The following SEPTIN9 variants were observed in gnomAD, a reference collection of about 807,000 sequenced individuals.
SEPTIN9 encodes septin 9.
In SEPTIN9, 13 loss-of-function variants were observed where a neutral mutation model predicts 56.6. That is an observed-to-expected ratio of 0.23 (90% CI 0.15 to 0.37). The LOEUF is 0.37. Ranked by LOEUF, SEPTIN9 falls within the 10% of genes least tolerant of loss-of-function variation. The pLI, the probability that SEPTIN9 is intolerant of heterozygous loss-of-function variation, is 1.00. For synonymous variants in SEPTIN9, 332 were observed against 334.1 expected, an observed-to-expected ratio of 0.99 and a Z score of 0.07; for missense variants, 650 against 823.1, an observed-to-expected ratio of 0.79 and a Z score of 2.57.
chr17:77,293,390 G>T (rs548898358), intron 1 of SEPTIN9, among the ~76,000 whole-genome samples: 1 of 152,226 alleles, frequency 6.6e-6, no homozygotes, highest in East Asian at 1.9e-4. Flanking sequence ...TTGTACTCCT[G>T]GGTTTATGTG....
At chr17:77,478,577 C>T (rs1403674274) in intron 3 of SEPTIN9, among the ~76,000 whole-genome samples, 2 of 152,184 alleles carry the variant, frequency 1.3e-5, no homozygotes, top group African/African-American at 2.4e-5. Flanking sequence ...GAGGCCGAGG[C>T]GGGTGGATCA....
At chr17:77,494,547 A>G (rs1346255958) in intron 10 of SEPTIN9, among the ~76,000 whole-genome samples, 2 of 152,178 alleles carry the variant, frequency 1.3e-5, no homozygotes, top group African/African-American at 4.8e-5. Context: ...GACTGTCCCA[A>G]AGACCACAGA....
In SEPTIN9 at chr17:77,499,272, C is replaced by A; in HGVS notation, c.*614C>A. 1 of 597,876 alleles carries A rather than the reference C, an allele frequency of 1.7e-6. No individual in the cohort carries two copies. Among genetic ancestry groups the A allele is most frequent in the Non-Finnish European group, 3.2e-6 (1 of 308,964 alleles). The allele number at this position is 597,876 out of a possible 1,614,324, so 37.0% of individuals were successfully genotyped here. On this transcript the variant is annotated 3_prime_UTR_variant, in exon 12 of 12. Transcript: ENST00000427177. ...CCAAGCCCCCTGGCAGCTGCCCCTC[C>A]TGGAGCAGAAAGTGCCTTTATCTCA...
rs527540057 is a variant in SEPTIN9, at chr17:77,429,365, G to A, written c.721+26662G>A. ...CTGGCTGAGAGGTGTGCTGGCTCTC[G>A]CAGGTTGCAAAATGGGGACATCACC... On this transcript the variant is annotated intron_variant, in intron 3 of 11. Transcript: ENST00000427177. The surrounding 1 kb of genome is among the most constrained non-coding windows in gnomAD (Gnocchi z 5.2). 7.0e-5 allele frequency: 31 copies of A among 443,516 alleles called. 1 individual carries two copies. The highest frequency in any genetic ancestry group is 6.6e-4 in the Admixed American group (27 of 40,798). The allele number at this position is 443,516 out of a possible 1,614,324, so 27.5% of individuals were successfully genotyped here. A position where few individuals can be genotyped will look rare whatever the true frequency, so the allele number is the denominator to read the frequency against.
chr17:77,290,794 G>A (rs1448696619), intron 1 of SEPTIN9, among the ~76,000 whole-genome samples: 1 of 148,600 alleles, frequency 6.7e-6, no homozygotes, highest in African/African-American at 2.5e-5. Context: ...CAGCCTGGGC[G>A]ACAGAGTGAG....
In SEPTIN9 at chr17:77,400,302, C is replaced by T. The variant is rs990096164; in HGVS notation, c.77-1757C>T. Among the ~76,000 whole-genome samples, 9 of 152,322 alleles carry T rather than the reference C, an allele frequency of 5.9e-5. No homozygotes were observed. The highest frequency in any genetic ancestry group is 4.1e-4 in the South Asian group (2 of 4,828). ...CTTGAGAAGTGAACAGCTCTGGCCA[C>T]GCCGGGCCCATATCCTCTAGGGCAG... On this transcript the variant is annotated intron_variant, in intron 2 of 11. Transcript: ENST00000427177. This position sits in a 1 kb window ranked among gnomAD's most constrained non-coding sequence, Gnocchi z 4.1.
chr17:77,419,590 G>T (rs1214499432), intron 3 of SEPTIN9, among the ~76,000 whole-genome samples: 1 of 152,234 alleles, frequency 6.6e-6, no homozygotes, highest in East Asian at 1.9e-4. Context: ...CTAGGAGGAA[G>T]AGGGGCTGTG....
rs949318939 is a variant in SEPTIN9 at position 77,451,175 on chromosome 17, T to A, written c.722-30969T>A. ...CTTCCCCTCTCTTCTTCCTAGCAGC[T>A]CCCCCTCACTCTTCCCAGGGACCCT... On this transcript the variant is annotated intron_variant, in intron 3 of 11. Coordinates refer to ENST00000427177, the MANE Select transcript of SEPTIN9 (RefSeq NM_001113491.2). This position sits in a 1 kb window ranked among gnomAD's most constrained non-coding sequence, Gnocchi z 4.2. The A allele has an allele frequency of 1.9e-5, 3 of 161,438 alleles. No individual in the cohort carries two copies. Among genetic ancestry groups the A allele is most frequent in the African/African-American group, 7.2e-5 (3 of 41,568 alleles). The allele number at this position is 161,438 out of a possible 1,614,324, so 10.0% of individuals were successfully genotyped here.
At chr17:77,446,867 A>G (rs1430013149) in intron 3 of SEPTIN9, 3 of 167,138 alleles carry the variant, frequency 1.8e-5, no homozygotes, top group Non-Finnish European at 4.4e-5. Flanking sequence ...CTCAAGGGGA[A>G]AAAAGGACAC....
At chr17:77,473,663 C>G (rs949011251) in intron 3 of SEPTIN9, among the ~76,000 whole-genome samples, 2 of 152,198 alleles carry the variant, frequency 1.3e-5, no homozygotes, top group Non-Finnish European at 2.9e-5. Flanking sequence ...ACTACTGTAT[C>G]AGATTGTGAA....
At chr17:77,412,017 T>C (rs2574840) in intron 3 of SEPTIN9, among the ~76,000 whole-genome samples, 66,340 of 151,350 alleles carry the variant, frequency 0.44, 15,657 homozygotes, top group African/African-American at 0.61. Context: ...GTAGTCCCAG[T>C]TACTCAGGAG....
intron 2 of SEPTIN9, chr17:77,322,762 T>A (rs540498544): frequency 6.6e-6 from 1 of 152,464 alleles, no homozygotes; most frequent in East Asian, 1.9e-4. Flanking sequence ...GCCTCTTCCC[T>A]CACTGAGGGG....
chr17:77,482,459 A>G, intron 4 of SEPTIN9, 124 bp downstream of exon 4: 1 of 969,934 alleles, frequency 1.0e-6, no homozygotes, highest in East Asian at 2.6e-5. Flanking sequence ...CCTGACCTCA[A>G]GGACGGATTG....
intron 2 of SEPTIN9, among the ~76,000 whole-genome samples, chr17:77,364,244 G>A (rs2034505173): frequency 6.6e-6 from 1 of 152,262 alleles, no homozygotes; most frequent in South Asian, 2.1e-4. Flanking sequence ...CAAGGCGGCA[G>A]GCCAAGAGCG....
chr17:77,346,278 C>CTTTTTTTTTTTTTTT lies in SEPTIN9; in HGVS notation c.76+39096_76+39110dup, dbSNP rs577131369. Among the ~76,000 whole-genome samples, 37 of 46,312 alleles carry CTTTTTTTTTTTTTTT rather than the reference C, an allele frequency of 8.0e-4. 1 individual carries two copies. Among genetic ancestry groups the CTTTTTTTTTTTTTTT allele is most frequent in the South Asian group, 1.1e-3 (1 of 888 alleles). 30.4% of individuals were successfully genotyped at this position (46,312 alleles called of 152,430 possible). The stretch of plus-strand genomic sequence containing the variant: ...AGATTCTTAAAGCAGATCCTTAGGT[C>CTTTTTTTTTTTTTTT]TTTTTTTTTTTTTTTTTTTTTTTTT... On this transcript the variant is annotated intron_variant, in intron 2 of 11. Coordinates refer to ENST00000427177, the MANE Select transcript of SEPTIN9 (RefSeq NM_001113491.2).
rs907321220 is a variant in SEPTIN9 at position 77,369,738 on chromosome 17, C to T, written c.77-32321C>T. ...GAGCCTCAGTGTTGCTGGGAGAAAG[C>T]CCCTCACCTTCCTTCGCTCTCCGAG... On this transcript the variant is annotated intron_variant, in intron 2 of 11. Transcript: ENST00000427177. The surrounding 1 kb of genome is among the most constrained non-coding windows in gnomAD (Gnocchi z 4.9). Among the ~76,000 whole-genome samples the T allele has an allele frequency of 6.6e-6, 1 of 152,184 alleles. No homozygotes were observed. The highest frequency in any genetic ancestry group is 2.4e-5 in the African/African-American group (1 of 41,448).
intron 3 of SEPTIN9, among the ~76,000 whole-genome samples, chr17:77,417,941 C>T (rs1320678981): frequency 3.3e-5 from 5 of 152,172 alleles, no homozygotes; most frequent in Non-Finnish European, 7.4e-5. Flanking sequence ...CGTGGGCCCT[C>T]GGGGTCTGGT....
chr17:77,286,902 G>C (rs551347177), intron 1 of SEPTIN9, among the ~76,000 whole-genome samples: 1 of 152,226 alleles, frequency 6.6e-6, no homozygotes, highest in African/African-American at 2.4e-5. Flanking sequence ...GGGGTGAGGC[G>C]GGAAGTGACG....
intron 3 of SEPTIN9, chr17:77,454,504 C>A: frequency 4.8e-6 from 2 of 419,590 alleles, no homozygotes; most frequent in Non-Finnish European, 6.4e-6. Flanking sequence ...GGTCTAATTA[C>A]AGGCCCATGA....
Sources: gnomAD v4.1 joint callset for allele counts (sites outside exome capture counted in the v4.1 genomes callset) on GRCh38, gnomAD v4.1.1 for gene constraint, Gnocchi (gnomAD v3.1) non-coding constraint, MANE v1.5 for transcripts, NCBI Gene and HGNC (gene_info 2026-07-23, HGNC 2026-07-21) for gene names.